ADD3: variants seen among roughly 807,000 people sequenced by gnomAD.
ADD3 encodes gamma-adducin.
A neutral mutation model predicts 80.2 loss-of-function variants in ADD3; 25 were observed. That is an observed-to-expected ratio of 0.31 (90% CI 0.23 to 0.44). The LOEUF (loss-of-function observed/expected upper bound fraction) is 0.44. ADD3 is among the 20% of genes least tolerant of loss of function. The pLI is 1.00. For missense variants in ADD3, 829 were observed against 847.5 expected (o/e 0.98, Z 0.27); for synonymous variants, 284 against 289.6 (o/e 0.98, Z 0.20).
At chr10:110,071,188 T>A (rs1159457247) in intron 1 of ADD3, among the ~76,000 whole-genome samples, 1 of 152,158 alleles carries the variant, frequency 6.6e-6, no homozygotes, top group East Asian at 1.9e-4. Context: ...TAAAATGATG[T>A]CTCATAGTTG....
At chr10:110,100,536 G>A in intron 1 of ADD3, 89 bp from the exon 2 acceptor site, 1 of 811,822 alleles carries the variant, frequency 1.2e-6, no homozygotes, top group South Asian at 3.3e-5. Flanking sequence ...TAACTCTGAG[G>A]GCAAAATGTA....
At chr10:110,022,376 A>G (rs192873840) in intron 1 of ADD3, among the ~76,000 whole-genome samples, 15 of 152,318 alleles carry the variant, frequency 9.8e-5, no homozygotes, top group Admixed American at 3.3e-4. Flanking sequence ...TCATAAAAAA[A>G]ACAGAACCAT....
At chr10:110,067,268 C>T (rs1235337816) in intron 1 of ADD3, among the ~76,000 whole-genome samples, 1 of 152,140 alleles carries the variant, frequency 6.6e-6, no homozygotes, top group Non-Finnish European at 1.5e-5. Context: ...GTAATTTGCA[C>T]CTGGAAGAAA....
At chr10:110,000,844 G>A (rs932915876), upstream of ADD3, among the ~76,000 whole-genome samples, 2 of 152,156 alleles carry the variant, frequency 1.3e-5, no homozygotes, top group Non-Finnish European at 2.9e-5. Context: ...AAGGGTTATT[G>A]TAGGTATGAG....
intron 1 of ADD3, among the ~76,000 whole-genome samples, chr10:110,031,930 T>C (rs1213626552): frequency 6.6e-6 from 1 of 152,066 alleles, no homozygotes; most frequent in African/African-American, 2.4e-5. Flanking sequence ...TGATAACATT[T>C]AAAGTTTCCC....
chr10:110,081,163 C>T (rs992301915), intron 1 of ADD3, among the ~76,000 whole-genome samples: 1 of 152,080 alleles, frequency 6.6e-6, no homozygotes, highest in Non-Finnish European at 1.5e-5. Context: ...GCTTAATATA[C>T]CTTGAATATA....
At chr10:110,065,140 G>A (rs1014705824) in intron 1 of ADD3, among the ~76,000 whole-genome samples, 2 of 152,036 alleles carry the variant, frequency 1.3e-5, no homozygotes, top group African/African-American at 4.8e-5. Flanking sequence ...CCTAGAATTT[G>A]TCCTTTAAAA....
intron 7 of ADD3, 47 bp downstream of exon 7, chr10:110,119,401 G>T (rs933703374): frequency 6.2e-7 from 1 of 1,613,084 alleles, no homozygotes; most frequent in Admixed American, 1.7e-5. Context: ...TGCTGCTGCT[G>T]TTGATGAAAA....
intron 1 of ADD3, among the ~76,000 whole-genome samples, chr10:110,031,906 C>CT (rs11369505): frequency 0.1 from 15,106 of 146,090 alleles, 2,304 homozygotes; most frequent in African/African-American, 0.34. Flanking sequence ...TACCTCAATA[C>CT]TTTTTTTTTT....
At chr10:110,004,072 G>C (rs1851542941), upstream of ADD3, among the ~76,000 whole-genome samples, 1 of 151,954 alleles carries the variant, frequency 6.6e-6, no homozygotes. Flanking sequence ...GAGGGGATGT[G>C]GGGGAATGCT....
intron 1 of ADD3, among the ~76,000 whole-genome samples, chr10:110,086,149 C>G (rs1287574071): frequency 6.6e-6 from 1 of 151,648 alleles, no homozygotes; most frequent in Non-Finnish European, 1.5e-5. Context: ...CAGTATCTCA[C>G]GCCTGTAATT....
At chr10:110,007,282 C>G (rs1589690028), upstream of ADD3, among the ~76,000 whole-genome samples, 1 of 152,260 alleles carries the variant, frequency 6.6e-6, no homozygotes, top group Admixed American at 6.5e-5. Flanking sequence ...AGCGAGAGCC[C>G]CTGTCCTCCC....
At chr10:110,079,459 A>AGTGT (rs1238883360) in intron 1 of ADD3, among the ~76,000 whole-genome samples, 65 of 112,370 alleles carry the variant, frequency 5.8e-4, no homozygotes, top group African/African-American at 2.6e-3. Context: ...AGAGAGAGAG[A>AGTGT]GAGTGTGTGT....
At chr10:110,110,706 T>TA (rs1450997264) in intron 2 of ADD3, among the ~76,000 whole-genome samples, 1 of 151,788 alleles carries the variant, frequency 6.6e-6, no homozygotes, top group Admixed American at 6.6e-5. Context: ...TTTTTTTTTT[T>TA]AAAGTTCCTG....
At position 110,118,544 on chromosome 10, in the gene ADD3, A is replaced by G. The variant is rs778019489; in HGVS notation, c.568-43A>G. ...TTTAGCTTGTGAAACACAAACTTTG[A>G]TACGTATATACCAGTTAAATATGTC... is the stretch of plus-strand genomic sequence containing the variant. On this transcript the variant is annotated intron_variant, in intron 5 of 14. Coordinates refer to ENST00000356080, the MANE Select transcript of ADD3 (RefSeq NM_016824.5). The G allele has an allele frequency of 4.5e-6, 7 of 1,550,370 alleles. No homozygotes were observed. In the Admixed American group the frequency reaches 1.2e-4, roughly 26 times the overall value.
At chr10:110,002,664 G>C (rs1851509566), upstream of ADD3, among the ~76,000 whole-genome samples, 1 of 152,000 alleles carries the variant, frequency 6.6e-6, no homozygotes, top group Non-Finnish European at 1.5e-5. Flanking sequence ...ATTTGTAGCA[G>C]TTGTTTGCAT....
At chr10:110,115,645 A>G (rs1270060438) in intron 3 of ADD3, among the ~76,000 whole-genome samples, 3 of 152,212 alleles carry the variant, frequency 2.0e-5, no homozygotes, top group Non-Finnish European at 4.4e-5. Flanking sequence ...GATCTAGGAT[A>G]GTATCACATG....
intron 1 of ADD3, among the ~76,000 whole-genome samples, chr10:110,034,008 T>A (rs769976461): frequency 7.9e-5 from 12 of 152,222 alleles, no homozygotes; most frequent in Non-Finnish European, 1.2e-4. Context: ...AGCAATTAAG[T>A]ACAGGGTTTG....
chr10:110,029,299 T>A (rs1287178610), intron 1 of ADD3, among the ~76,000 whole-genome samples: 1 of 152,234 alleles, frequency 6.6e-6, no homozygotes, highest in Admixed American at 6.5e-5. Flanking sequence ...GATTATAAAC[T>A]TGTAGTAATT....
Sources: gnomAD v4.1 joint callset for allele counts (sites outside exome capture counted in the v4.1 genomes callset) on GRCh38, gnomAD v4.1.1 for gene constraint, MANE v1.5 for transcripts, NCBI Gene and HGNC (gene_info 2026-07-23, HGNC 2026-07-21) for gene names.